Variants in CDK14 observed in about 807,000 individuals in gnomAD.
The protein encoded by CDK14 is cyclin-dependent kinase 14.
A neutral mutation model predicts 60.7 loss-of-function variants in CDK14; 34 were observed. The observed-to-expected ratio is 0.56, with a 90% confidence interval of 0.43 to 0.75. The LOEUF is 0.75. Ranked by LOEUF, CDK14 falls within the 30% of genes least tolerant of loss-of-function variation. The pLI is 0.00. For missense variants in CDK14, 482 were observed against 564.1 expected, an observed-to-expected ratio of 0.85 and a Z score of 1.47; for synonymous variants, 197 against 203.7, an observed-to-expected ratio of 0.97 and a Z score of 0.28.
chr7:91,086,386 C>A (rs1435394779), intron 12 of CDK14, among the ~76,000 whole-genome samples: 2 of 152,168 alleles, frequency 1.3e-5, no homozygotes, highest in Admixed American at 1.3e-4. Flanking sequence ...TGTCTCTATT[C>A]CTTTCTCCTT....
intron 12 of CDK14, among the ~76,000 whole-genome samples, chr7:91,084,668 C>T (rs1798580468): frequency 6.6e-6 from 1 of 152,206 alleles, no homozygotes; most frequent in Admixed American, 6.5e-5. Flanking sequence ...CAAGGGCAGG[C>T]CCCATGCTAT....
chr7:90,662,591 C>T (rs1263685941), intron 2 of CDK14, among the ~76,000 whole-genome samples: 4 of 152,220 alleles, frequency 2.6e-5, no homozygotes, highest in Non-Finnish European at 5.9e-5. Flanking sequence ...TCACTTTCCT[C>T]CTTTGTAAAA....
chr7:91,180,932 C>A (rs1370713032), intron 14 of CDK14, among the ~76,000 whole-genome samples: 1 of 152,068 alleles, frequency 6.6e-6, no homozygotes, highest in African/African-American at 2.4e-5. Context: ...GTTCTTTTTT[C>A]CTCTGATCTA....
chr7:91,045,776 G>C, intron 10 of CDK14, 121 bp from the exon 11 acceptor site: 1 of 621,726 alleles, frequency 1.6e-6, no homozygotes. Context: ...TCTGGCATAC[G>C]ATAATGGAAA....
chr7:90,599,397 T>A (rs1799267243), intron 1 of CDK14, among the ~76,000 whole-genome samples: 1 of 152,246 alleles, frequency 6.6e-6, no homozygotes, highest in African/African-American at 2.4e-5. Context: ...TAGGCAGGCC[T>A]GGATTTGAAC....
At chr7:91,094,686 G>A (rs1798929417) in intron 12 of CDK14, among the ~76,000 whole-genome samples, 2 of 152,168 alleles carry the variant, frequency 1.3e-5, no homozygotes, top group African/African-American at 4.8e-5. Context: ...TGAGACTAGA[G>A]TGAGGCATGT....
At chr7:90,699,499 A>T (rs535515663) in intron 2 of CDK14, among the ~76,000 whole-genome samples, 151 of 152,336 alleles carry the variant, frequency 9.9e-4, no homozygotes, top group Non-Finnish European at 1.6e-3. Flanking sequence ...TGGATCAGGA[A>T]CACAGATTTG....
intron 10 of CDK14, among the ~76,000 whole-genome samples, chr7:91,029,959 C>T (rs958339079): frequency 1.3e-5 from 2 of 152,146 alleles, no homozygotes; most frequent in Non-Finnish European, 2.9e-5. Context: ...CTGTTCTTAA[C>T]CAGAAGTAGG....
intron 10 of CDK14, among the ~76,000 whole-genome samples, chr7:91,011,965 CT>C: frequency 6.6e-6 from 1 of 152,156 alleles, no homozygotes; most frequent in Middle Eastern, 3.4e-3. Context: ...TATTTTCTTT[CT>C]ACTTTGTATG....
intron 14 of CDK14, among the ~76,000 whole-genome samples, chr7:91,168,671 TTTTA>T (rs1291612475): frequency 6.6e-6 from 1 of 152,226 alleles, no homozygotes; most frequent in Non-Finnish European, 1.5e-5. Flanking sequence ...ACAAGTTACA[TTTTA>T]TTTCTTAATT....
intron 8 of CDK14, among the ~76,000 whole-genome samples, chr7:90,941,863 C>T (rs925620919): frequency 6.6e-6 from 1 of 152,154 alleles, no homozygotes; most frequent in Non-Finnish European, 1.5e-5. Context: ...CATACAAGTG[C>T]CTGTAATGTT....
intron 9 of CDK14, among the ~76,000 whole-genome samples, chr7:90,959,299 C>G (rs1794528364): frequency 6.6e-6 from 1 of 152,132 alleles, no homozygotes; most frequent in East Asian, 1.9e-4. Flanking sequence ...GCCTTAAAAT[C>G]TATGTTATAT....
chr7:90,893,565 T>C (rs1792205546), intron 6 of CDK14, among the ~76,000 whole-genome samples: 1 of 152,182 alleles, frequency 6.6e-6, no homozygotes, highest in Admixed American at 6.5e-5. Context: ...AGTTCTGTAT[T>C]TCTGGATAAG....
At chr7:91,083,019 T>C (rs1345530662) in intron 12 of CDK14, among the ~76,000 whole-genome samples, 1 of 152,190 alleles carries the variant, frequency 6.6e-6, no homozygotes, top group Non-Finnish European at 1.5e-5. Flanking sequence ...TGTTTAAAAA[T>C]GTGAGAGGAA....
chr7:90,739,617 G>C (rs1051998458), intron 3 of CDK14, among the ~76,000 whole-genome samples: 1 of 152,142 alleles, frequency 6.6e-6, no homozygotes, highest in Non-Finnish European at 1.5e-5. Context: ...AGTGGTGACT[G>C]TGTCTTATAC....
intron 2 of CDK14, among the ~76,000 whole-genome samples, chr7:90,628,045 CCCAGGGTCAAGTGAT>C (rs1799911800): frequency 6.6e-6 from 1 of 152,182 alleles, no homozygotes; most frequent in African/African-American, 2.4e-5. Flanking sequence ...GCCTTGACCT[CCCAGGGTCAAGTGAT>C]CCTCCCACTT....
intron 14 of CDK14, among the ~76,000 whole-genome samples, chr7:91,124,193 G>A (rs1158348212): frequency 2.0e-5 from 3 of 151,988 alleles, no homozygotes; most frequent in Admixed American, 2.0e-4. Context: ...CAGCCTTCAA[G>A]CATTTTTTTT....
At chr7:90,902,214 A>G (rs950679118) in intron 7 of CDK14, among the ~76,000 whole-genome samples, 2 of 152,118 alleles carry the variant, frequency 1.3e-5, no homozygotes, top group South Asian at 2.1e-4. Context: ...CAAAATACCA[A>G]TAACATTCTT....
At chr7:91,125,202 T>C (rs1799905292) in intron 14 of CDK14, among the ~76,000 whole-genome samples, 2 of 152,088 alleles carry the variant, frequency 1.3e-5, no homozygotes, top group Non-Finnish European at 2.9e-5. Flanking sequence ...ATTCTTCACA[T>C]GGGAGCTTTG....
Sources: allele counts gnomAD v4.1 joint callset (sites outside exome capture counted in the v4.1 genomes callset), GRCh38; gene constraint gnomAD v4.1.1; transcripts MANE v1.5; gene names NCBI Gene and HGNC (gene_info 2026-07-23, HGNC 2026-07-21).